The following NFKB2 variants were observed in gnomAD, a reference collection of about 807,000 sequenced individuals.
NFKB2 encodes nuclear factor NF-kappa-B p100 subunit.
NFKB2 carries 21 observed loss-of-function variants against 109.3 expected under a neutral mutation model. The observed-to-expected ratio is 0.19, with a 90% CI of 0.14 to 0.28. NFKB2 has a LOEUF of 0.28. Ranked by LOEUF, NFKB2 falls within the 10% of genes least tolerant of loss-of-function variation. The pLI, the probability that NFKB2 is intolerant of heterozygous loss-of-function variation, is 1.00. For synonymous variants in NFKB2, 478 were observed against 489.9 expected (o/e 0.98, Z 0.32); for missense variants, 806 against 1,185.3 (o/e 0.68, Z 4.70).
Position 102,397,277 on chromosome 10 carries a change from A to G in NFKB2, c.396-25A>G. 1 of 1,607,626 alleles carries G rather than the reference A, an allele frequency of 6.2e-7. No individual in the cohort carries two copies. Among genetic ancestry groups the G allele is most frequent in the Non-Finnish European group, 8.5e-7 (1 of 1,174,186 alleles). ...TCAGGAAGAAAGAACTGCATGGCCAAAGGCCTCCGATTCTCTCTTCTCAGA... is the reference window on the plus strand; with the variant it reads ...TCAGGAAGAAAGAACTGCATGGCCAGAGGCCTCCGATTCTCTCTTCTCAGA... On this transcript the variant is annotated intron_variant, in intron 6 of 22. Coordinates refer to ENST00000661543, the MANE Select transcript of NFKB2 (RefSeq NM_001322934.2). The surrounding 1 kb of genome is among the most constrained non-coding windows in gnomAD (Gnocchi z 4.7).
Position 102,397,935 on chromosome 10 carries a change from C to T in NFKB2, c.662-46C>T, listed in dbSNP as rs747916023. 1.3e-6 allele frequency: 2 copies of T among 1,582,212 alleles called. No individual in the cohort carries two copies. Among genetic ancestry groups the T allele is most frequent in the South Asian group, 1.1e-5 (1 of 90,346 alleles). ...AAAGCCCCCAGCTTCTTAAATGTGG[C>T]CTTGGCTATTGCATCATCTCAACTA... is the stretch of plus-strand genomic sequence containing the variant. On this transcript the variant is annotated intron_variant, in intron 8 of 22. Coordinates refer to ENST00000661543, the MANE Select transcript of NFKB2 (RefSeq NM_001322934.2). The surrounding 1 kb of genome is among the most constrained non-coding windows in gnomAD (Gnocchi z 4.7).
Position 102,398,146 on chromosome 10 carries a change from G to C in NFKB2, c.766+61G>C, listed in dbSNP as rs550161252. On this transcript the variant is annotated intron_variant, in intron 9 of 22. Transcript: ENST00000661543. This position sits in a 1 kb window ranked among gnomAD's most constrained non-coding sequence, Gnocchi z 6.6. Reference sequence around the variant, plus strand: ...CGAGTATAAGACTGGGGCCAGGGAAGCTCTAGGGTAAATGGCCCCAGAGAT... The same window carrying C: ...CGAGTATAAGACTGGGGCCAGGGAACCTCTAGGGTAAATGGCCCCAGAGAT... 6.2e-7 allele frequency: 1 copy of C among 1,611,294 alleles called. No individual in the cohort carries two copies. The highest frequency in any genetic ancestry group is 1.3e-5 in the African/African-American group (1 of 74,976).
chr10:102,401,133 A>T lies in NFKB2; in HGVS notation c.2072-47A>T. Reference sequence around the variant, plus strand: ...CCAGTCCCCCGACTTTGCAGTCCTTAATGTAGGCCCCCACCATACCGCCCC... The same window carrying T: ...CCAGTCCCCCGACTTTGCAGTCCTTTATGTAGGCCCCCACCATACCGCCCC... On this transcript the variant is annotated intron_variant, in intron 18 of 22. Coordinates refer to ENST00000661543, the MANE Select transcript of NFKB2 (RefSeq NM_001322934.2). This position sits in a 1 kb window ranked among gnomAD's most constrained non-coding sequence, Gnocchi z 4.2. 1 of 1,604,946 alleles carries T rather than the reference A, an allele frequency of 6.2e-7. No homozygotes were observed.
chr10:102,398,944 T>A lies in NFKB2; in HGVS notation c.1117+80T>A. The A allele has an allele frequency of 6.9e-7, 1 of 1,453,162 alleles. No individual in the cohort carries two copies. The highest frequency in any genetic ancestry group is 9.4e-7 in the Non-Finnish European group (1 of 1,069,470). 90.0% of individuals were successfully genotyped at this position (1,453,162 alleles called of 1,614,324 possible). ...AAAATCTGGGGGAGGCCGGGCGTGG[T>A]GGCTCACGCCTGTAATCCAGCCCTT... On this transcript the variant is annotated intron_variant, in intron 12 of 22. Coordinates refer to ENST00000661543, the MANE Select transcript of NFKB2 (RefSeq NM_001322934.2). This position sits in a 1 kb window ranked among gnomAD's most constrained non-coding sequence, Gnocchi z 6.6.
chr10:102,395,528 C>T (rs1167349094), upstream of NFKB2, among the ~76,000 whole-genome samples: 9 of 152,294 alleles, frequency 5.9e-5, no homozygotes. Context: ...TAACCCCCAC[C>T]GGGGCTTCCC....
rs41293042 is a variant in NFKB2 at position 102,401,474 on chromosome 10, C to G, written c.2249C>G (p.Ala750Gly). 1.2e-6 allele frequency: 2 copies of G among 1,613,860 alleles called. No homozygotes were observed. Among genetic ancestry groups the G allele is most frequent in the South Asian group, 2.2e-5 (2 of 91,082 alleles). ...GTGAAGACCTTGCTGCTAAATGCTG[C>G]TCAGAACACCATGGAGCCACCCCTG... ...TKVKTLLLNA[A>G]QNTMEPPLTP... is the part of the protein sequence containing the mutation. The change falls in exon 20 of 23, where the codon GCT (alanine) becomes GGT (glycine). Residue 750 changes from alanine (A) to glycine (G), a missense_variant. Coordinates refer to ENST00000661543, the MANE Select transcript of NFKB2 (RefSeq NM_001322934.2). This position sits in a 1 kb window ranked among gnomAD's most constrained non-coding sequence, Gnocchi z 4.2.
chr10:102,396,846 G>T lies in NFKB2; in HGVS notation c.243+23G>T, dbSNP rs773997817. ...AAGGTGAGCCAGGATGGTGCTGGAG[G>T]GTGGGCTAAGTGGACAGCATGCCCA... On this transcript the variant is annotated intron_variant, in intron 5 of 22. Coordinates refer to ENST00000661543, the MANE Select transcript of NFKB2 (RefSeq NM_001322934.2). The surrounding 1 kb of genome is among the most constrained non-coding windows in gnomAD (Gnocchi z 5.9). The T allele has an allele frequency of 1.9e-6, 3 of 1,604,806 alleles. No individual in the cohort carries two copies. The highest frequency in any genetic ancestry group is 1.3e-5 in the African/African-American group (1 of 74,816).
At position 102,399,458 on chromosome 10, in the gene NFKB2, C is replaced by A; in HGVS notation, c.1288C>A (p.Pro430Thr). Residue 430 changes from proline (P) to threonine (T), a missense_variant, in exon 13 of 23, where the codon CCC becomes ACC. Physicochemically the swap from Pro to Thr is conservative, Grantham distance 38 (BLOSUM62 -1). Around this residue, in one of 10 missense-constraint regions of NFKB2, gnomAD observed 209 missense variants for 211.9 expected, o/e 0.99. Coordinates refer to ENST00000661543, the MANE Select transcript of NFKB2 (RefSeq NM_001322934.2). ...GGAGCCAAGCGCCCCCTCCAGGACC[C>A]CCCAGTGCGAGCCGCAGGCCCCGGA... is the stretch of plus-strand genomic sequence containing the variant. ...AAEPSAPSRT[P>T]QCEPQAPEML... 1 of 1,508,154 alleles carries A rather than the reference C, an allele frequency of 6.6e-7. No homozygotes were observed. Among genetic ancestry groups the A allele is most frequent in the Non-Finnish European group, 8.9e-7 (1 of 1,125,856 alleles). 93.4% of individuals were successfully genotyped at this position (1,508,154 alleles called of 1,614,324 possible). A position where few individuals can be genotyped will look rare whatever the true frequency, so the allele number is the denominator to read the frequency against.
chr10:102,398,587 C>T lies in NFKB2; in HGVS notation c.991+64C>T. ...GCCAGGCTGGGCTAGAAGAAGGTCCCAAGAGCTAGATGTGGGGATGCATGA... is the reference window on the plus strand; with the variant it reads ...GCCAGGCTGGGCTAGAAGAAGGTCCTAAGAGCTAGATGTGGGGATGCATGA... On this transcript the variant is annotated intron_variant, in intron 11 of 22. Coordinates refer to ENST00000661543, the MANE Select transcript of NFKB2 (RefSeq NM_001322934.2). The surrounding 1 kb of genome is among the most constrained non-coding windows in gnomAD (Gnocchi z 6.6). 6.2e-7 allele frequency: 1 copy of T among 1,609,180 alleles called. No individual in the cohort carries two copies. Among genetic ancestry groups the T allele is most frequent in the African/African-American group, 1.3e-5 (1 of 74,908 alleles).
chr10:102,399,299 G>A lies in NFKB2; in HGVS notation c.1129G>A (p.Gly377Ser). The A allele has an allele frequency of 1.9e-6, 3 of 1,597,962 alleles. No individual in the cohort carries two copies. Among genetic ancestry groups the A allele is most frequent in the Non-Finnish European group, 2.6e-6 (3 of 1,172,972 alleles). The change falls in exon 13 of 23, where the codon GGT (glycine) becomes AGT (serine). Residue 377 changes from glycine (G) to serine (S), a missense_variant. By Grantham distance (56) the Gly-to-Ser change is moderately conservative (BLOSUM62 0). This residue lies in a region of NFKB2 where 209 missense variants were observed against 211.9 expected (regional missense o/e 0.99). Transcript: ENST00000661543. Reference sequence around the variant, plus strand: ...GCCTGTATCCACAGGTGGCAGCCTCGGTTTCTTCCCCTCCTCCCTGGCCTA... The same window carrying A: ...GCCTGTATCCACAGGTGGCAGCCTCAGTTTCTTCCCCTCCTCCCTGGCCTA... The part of the protein sequence containing the change: ...YGGAGGGGSL[G>S]FFPSSLAYSP...
Position 102,401,636 on chromosome 10 carries a change from C to A in NFKB2, c.2294-109C>A. On this transcript the variant is annotated intron_variant, in intron 20 of 22. Coordinates refer to ENST00000661543, the MANE Select transcript of NFKB2 (RefSeq NM_001322934.2). The surrounding 1 kb of genome is among the most constrained non-coding windows in gnomAD (Gnocchi z 4.2). ...CTACCCTCAGCCCCGTCCATCACCC[C>A]TCATGGTCCTGTCTGTCGCTTACCT... The A allele has an allele frequency of 6.6e-7, 1 of 1,526,536 alleles. No individual in the cohort carries two copies. Among genetic ancestry groups the A allele is most frequent in the East Asian group, 2.3e-5 (1 of 43,972 alleles). 94.6% of individuals were successfully genotyped at this position (1,526,536 alleles called of 1,614,324 possible).
chr10:102,400,918 G>A lies in NFKB2; in HGVS notation c.1969-29G>A, dbSNP rs752061256. The A allele has an allele frequency of 1.9e-6, 3 of 1,601,880 alleles. No individual in the cohort carries two copies. The highest frequency in any genetic ancestry group is 2.6e-6 in the Non-Finnish European group (3 of 1,173,778). On this transcript the variant is annotated intron_variant, in intron 17 of 22. Coordinates refer to ENST00000661543, the MANE Select transcript of NFKB2 (RefSeq NM_001322934.2). This position sits in a 1 kb window ranked among gnomAD's most constrained non-coding sequence, Gnocchi z 6.3. Reference sequence around the variant, plus strand: ...GGCTGGCCAAGGGGACCATGCTGTGGTGTCAACTCTCGCTGCTCGCACCCC... The same window carrying A: ...GGCTGGCCAAGGGGACCATGCTGTGATGTCAACTCTCGCTGCTCGCACCCC...
chr10:102,395,842 C>CCCCCTTCA, intron 1 of NFKB2, 46 bp downstream of exon 1: 1 of 655,934 alleles, frequency 1.5e-6, no homozygotes, highest in Admixed American at 2.2e-5. Flanking sequence ...CGCCCACCCC[C>CCCCCTTCA]ATTTAGATCT....
chr10:102,399,257 C>T (rs1310057825), intron 12 of NFKB2, 31 bp from the exon 13 acceptor site: 1 of 1,556,804 alleles, frequency 6.4e-7, no homozygotes, highest in Non-Finnish European at 8.7e-7. Context: ...TGGCTGGTGC[C>T]CGCTTCCCAC....
chr10:102,400,220 G>T lies in NFKB2; in HGVS notation c.1584+26G>T, dbSNP rs781481535. The T allele has an allele frequency of 3.1e-6, 5 of 1,613,810 alleles. No individual in the cohort carries two copies. In the East Asian group the frequency reaches 1.1e-4, roughly 36 times the overall value. On this transcript the variant is annotated intron_variant, in intron 15 of 22. Coordinates refer to ENST00000661543, the MANE Select transcript of NFKB2 (RefSeq NM_001322934.2). This position sits in a 1 kb window ranked among gnomAD's most constrained non-coding sequence, Gnocchi z 6.3. ...GTGCGGGGGCGCCTACTGGGGAGGT[G>T]GGAGGGGTTGGAAGGCAAGTGGGTC...
Position 102,398,806 on chromosome 10 carries a change from C to G in NFKB2, c.1059C>G (p.Gly353=). ...CCTTCTCCCAGCCCTTCGGGGGTGG[C>G]TCCCACATGGGTGGAGGCTCTGGGG... The part of the protein sequence containing the change: ...LPTFSQPFGG[G]SHMGGGSGGA... The change falls in exon 12 of 23, where the codon GGC becomes GGG. Residue 353 remains glycine, a synonymous_variant. Transcript: ENST00000661543. The surrounding 1 kb of genome is among the most constrained non-coding windows in gnomAD (Gnocchi z 6.6). The G allele has an allele frequency of 6.2e-7, 1 of 1,610,742 alleles. No homozygotes were observed. Among genetic ancestry groups the G allele is most frequent in the South Asian group, 1.1e-5 (1 of 90,704 alleles).
rs199849632 is a variant in NFKB2, at chr10:102,401,549, T to A, written c.2293+31T>A. The A allele has an allele frequency of 1.2e-6, 2 of 1,606,624 alleles. No individual in the cohort carries two copies. The highest frequency in any genetic ancestry group is 4.5e-5 in the East Asian group (2 of 44,830). ...AAGCATCAGGCATCCCCAGCCCGAC[T>A]CCTCTGACTCCTCACAGAGGTCTCT... is the stretch of plus-strand genomic sequence containing the variant. On this transcript the variant is annotated intron_variant, in intron 20 of 22. Coordinates refer to ENST00000661543, the MANE Select transcript of NFKB2 (RefSeq NM_001322934.2). The surrounding 1 kb of genome is among the most constrained non-coding windows in gnomAD (Gnocchi z 4.2).
Position 102,396,800 on chromosome 10 carries a change from C to G in NFKB2, c.220C>G (p.Arg74Gly). 1 of 1,612,932 alleles carries G rather than the reference C, an allele frequency of 6.2e-7. No homozygotes were observed. Among genetic ancestry groups the G allele is most frequent in the Non-Finnish European group, 8.5e-7 (1 of 1,179,002 alleles). The change falls in exon 5 of 23, where the codon CGA becomes GGA. Residue 74 changes from arginine to glycine, a missense_variant. This residue lies in a region of NFKB2 where 24 missense variants were observed against 105.2 expected (regional missense o/e 0.23). Transcript: ENST00000661543. This position sits in a 1 kb window ranked among gnomAD's most constrained non-coding sequence, Gnocchi z 5.9. ...GCCCGGTGCCTCCAGTGAGAAGGGC[C>G]GAAAGACCTATCCCACTGTCAAGGT... ...GLPGASSEKG[R>G]KTYPTVKICN... is the part of the protein sequence containing the mutation.
Position 102,398,104 on chromosome 10 carries a change from T to G in NFKB2, c.766+19T>G, listed in dbSNP as rs2061149062. 2 of 1,612,388 alleles carry G rather than the reference T, an allele frequency of 1.2e-6. No individual in the cohort carries two copies. Among genetic ancestry groups the G allele is most frequent in the East Asian group, 4.5e-5 (2 of 44,872 alleles). On this transcript the variant is annotated intron_variant, in intron 9 of 22. Coordinates refer to ENST00000661543, the MANE Select transcript of NFKB2 (RefSeq NM_001322934.2). The surrounding 1 kb of genome is among the most constrained non-coding windows in gnomAD (Gnocchi z 6.6). ...CAGAAAGGTGAGACTGGAGCCCACT[T>G]TGGGCACCAAGGACATCGAGTATAA...
Sources: gnomAD v4.1 joint callset for allele counts (sites outside exome capture counted in the v4.1 genomes callset) on GRCh38, gnomAD v4.1.1 for gene constraint, gnomAD v4.1.1 regional missense constraint, Gnocchi (gnomAD v3.1) non-coding constraint, MANE v1.5 for transcripts, NCBI Gene and HGNC (gene_info 2026-07-23, HGNC 2026-07-21) for gene names.